Variants in UNC5D observed in about 807,000 individuals in gnomAD.
UNC5D encodes unc-5 netrin receptor D.
Under a neutral mutation model 105.4 loss-of-function variants are expected in UNC5D, and 39 were observed. That is an observed-to-expected ratio of 0.37 (90% CI 0.29 to 0.48). UNC5D has a LOEUF of 0.48. Among genes scored for constraint, UNC5D ranks in the 20% least tolerant of loss-of-function variants. UNC5D has a pLI of 0.98. For missense variants in UNC5D, 991 were observed against 1,202.4 expected, an observed-to-expected ratio of 0.82 and a Z score of 2.60; for synonymous variants, 452 against 450.4, an observed-to-expected ratio of 1.00 and a Z score of -0.04.
intron 1 of UNC5D, among the ~76,000 whole-genome samples, chr8:35,337,721 A>G (rs1032814554): frequency 1.3e-5 from 2 of 152,158 alleles, no homozygotes; most frequent in Non-Finnish European, 2.9e-5. Context: ...GCCTCTTTCT[A>G]TGCAACTATA....
chr8:35,663,861 A>C (rs1379190643), intron 4 of UNC5D, among the ~76,000 whole-genome samples: 1 of 152,172 alleles, frequency 6.6e-6, no homozygotes, highest in East Asian at 1.9e-4. Flanking sequence ...GAGGTGGTTG[A>C]TTTGAAAATA....
At chr8:35,534,049 A>G (rs867448839) in intron 1 of UNC5D, among the ~76,000 whole-genome samples, 1 of 152,036 alleles carries the variant, frequency 6.6e-6, no homozygotes, top group Non-Finnish European at 1.5e-5. Flanking sequence ...AGCTGTTCCT[A>G]TTCGGCCATC....
chr8:35,509,001 T>C (rs1414677331), intron 1 of UNC5D, among the ~76,000 whole-genome samples: 1 of 152,194 alleles, frequency 6.6e-6, no homozygotes, highest in African/African-American at 2.4e-5. Flanking sequence ...AAATTACTTA[T>C]TTTCTTTGAT....
intron 1 of UNC5D, among the ~76,000 whole-genome samples, chr8:35,410,286 T>A (rs1805083258): frequency 6.6e-6 from 1 of 151,898 alleles, no homozygotes. Context: ...ACCTCAGAAG[T>A]AAAGGAATGT....
intron 3 of UNC5D, among the ~76,000 whole-genome samples, chr8:35,569,759 T>A (rs1453324406): frequency 6.6e-6 from 1 of 152,228 alleles, no homozygotes; most frequent in Non-Finnish European, 1.5e-5. Context: ...CCCAGCATGG[T>A]CTCAATCAGG....
intron 16 of UNC5D, among the ~76,000 whole-genome samples, chr8:35,789,186 T>C (rs1304619870): frequency 1.9e-5 from 2 of 106,208 alleles, no homozygotes; most frequent in Non-Finnish European, 3.8e-5. Flanking sequence ...TATATATATA[T>C]ATGAGATAGG....
intron 1 of UNC5D, among the ~76,000 whole-genome samples, chr8:35,303,113 T>A (rs1808083099): frequency 6.6e-6 from 1 of 152,078 alleles, no homozygotes; most frequent in Non-Finnish European, 1.5e-5. Flanking sequence ...ATTAATGAGG[T>A]ATTTTTCTTT....
intron 1 of UNC5D, among the ~76,000 whole-genome samples, chr8:35,408,605 T>A (rs1294741098): frequency 1.3e-5 from 2 of 151,762 alleles, no homozygotes; most frequent in Non-Finnish European, 2.9e-5. Context: ...CTAAAATGGG[T>A]TATTTTGTGT....
At position 35,759,484 on chromosome 8, in the gene UNC5D, G is replaced by A; in HGVS notation, c.2313+15G>A. On this transcript the variant is annotated intron_variant, in intron 14 of 16. Transcript: ENST00000404895. The stretch of plus-strand genomic sequence containing the variant: ...CTGCCTGCCAGGTACTGGCCAAATG[G>A]GTTTCTAACAGAAACGGCTTTGCTT... 6.2e-7 allele frequency: 1 copy of A among 1,601,580 alleles called. No individual in the cohort carries two copies.
At chr8:35,703,936 A>T (rs1827369531) in intron 7 of UNC5D, among the ~76,000 whole-genome samples, 1 of 152,180 alleles carries the variant, frequency 6.6e-6, no homozygotes, top group Non-Finnish European at 1.5e-5. Flanking sequence ...AAGTCATTTT[A>T]TTCTGATTCT....
intron 1 of UNC5D, among the ~76,000 whole-genome samples, chr8:35,512,408 C>G (rs1172573129): frequency 1.4e-5 from 2 of 139,804 alleles, no homozygotes; most frequent in East Asian, 2.1e-4. Flanking sequence ...CTTAGCTACT[C>G]AGGAGGCTGA....
chr8:35,455,700 A>G (rs1295010201), intron 1 of UNC5D, among the ~76,000 whole-genome samples: 2 of 152,072 alleles, frequency 1.3e-5, no homozygotes, highest in Non-Finnish European at 2.9e-5. Flanking sequence ...AAAGAGCTGT[A>G]ATGGACTCAC....
intron 16 of UNC5D, among the ~76,000 whole-genome samples, chr8:35,783,705 T>G (rs1385023686): frequency 6.6e-6 from 1 of 152,210 alleles, no homozygotes; most frequent in Non-Finnish European, 1.5e-5. Context: ...ATTTGAATAC[T>G]CAGGGATTTG....
intron 1 of UNC5D, among the ~76,000 whole-genome samples, chr8:35,325,445 A>G (rs1286170790): frequency 1.3e-5 from 2 of 152,160 alleles, no homozygotes; most frequent in Admixed American, 6.5e-5. Context: ...TGAAAAACCT[A>G]AGAATGACAT....
At chr8:35,590,959 T>C (rs1648805019) in intron 3 of UNC5D, among the ~76,000 whole-genome samples, 1 of 152,208 alleles carries the variant, frequency 6.6e-6, no homozygotes, top group South Asian at 2.1e-4. Flanking sequence ...CCCTGATCCC[T>C]TAGATAGTTA....
chr8:35,571,935 T>C (rs1817749666), intron 3 of UNC5D, among the ~76,000 whole-genome samples: 1 of 152,164 alleles, frequency 6.6e-6, no homozygotes, highest in Admixed American at 6.5e-5. Flanking sequence ...GAGTTCACCA[T>C]CAGAGCTCCT....
chr8:35,498,889 TA>T (rs1190630336), intron 1 of UNC5D, among the ~76,000 whole-genome samples: 3 of 152,196 alleles, frequency 2.0e-5, no homozygotes, highest in Non-Finnish European at 4.4e-5. Flanking sequence ...TTTTCCCTAT[TA>T]GATCCTGTTC....
intron 1 of UNC5D, among the ~76,000 whole-genome samples, chr8:35,341,815 T>TTTCATAAGA (rs1217647038): frequency 6.6e-6 from 1 of 152,158 alleles, no homozygotes; most frequent in African/African-American, 2.4e-5. Flanking sequence ...GTTAATTCTG[T>TTTCATAAGA]TTCATAAGAC....
chr8:35,721,623 A>G lies in UNC5D; in HGVS notation c.1118-587A>G, dbSNP rs564225945. ...TCATATCCCACAATAAAATTCTCTCATAATGACTGTATGCCCTAAACTGAT... is the reference window on the plus strand; with the variant it reads ...TCATATCCCACAATAAAATTCTCTCGTAATGACTGTATGCCCTAAACTGAT... On this transcript the variant is annotated intron_variant, in intron 8 of 16. Coordinates refer to ENST00000404895, the MANE Select transcript of UNC5D (RefSeq NM_080872.4). Among the ~76,000 whole-genome samples the G allele has an allele frequency of 3.1e-4, 47 of 152,370 alleles. 2 individuals carry two copies. The South Asian group carries it at 9.7e-3, about 32-fold the overall frequency.
Sources: allele counts gnomAD v4.1 joint callset (sites outside exome capture counted in the v4.1 genomes callset), GRCh38; gene constraint gnomAD v4.1.1; transcripts MANE v1.5; gene names NCBI Gene and HGNC (gene_info 2026-07-23, HGNC 2026-07-21).